The following PTPRD variants were observed in gnomAD, a reference collection of about 807,000 sequenced individuals.
The protein encoded by PTPRD is protein tyrosine phosphatase receptor type D.
In PTPRD, 34 loss-of-function variants were observed where a neutral mutation model predicts 214.5. The observed-to-expected ratio is 0.16, with a 90% CI of 0.12 to 0.21. The LOEUF (loss-of-function observed/expected upper bound fraction) is 0.21. PTPRD is among the 10% of genes least tolerant of loss of function. The pLI, the probability that PTPRD is intolerant of heterozygous loss-of-function variation, is 1.00. For synonymous variants in PTPRD, 1,128 were observed against 845.7 expected, an observed-to-expected ratio of 1.33 and a Z score of -5.79; for missense variants, 2,545 against 2,398.7, an observed-to-expected ratio of 1.06 and a Z score of -1.27.
chr9:9,722,990 T>C (rs1193418292), intron 7 of PTPRD, among the ~76,000 whole-genome samples: 5 of 152,114 alleles, frequency 3.3e-5, no homozygotes, highest in African/African-American at 1.2e-4. Flanking sequence ...CTTTGAATTA[T>C]GTTTTCACAT....
chr9:8,528,442 T>C (rs771978653), intron 15 of PTPRD, 149 bp downstream of exon 15: 9 of 737,394 alleles, frequency 1.2e-5, no homozygotes, highest in African/African-American at 1.1e-4. Context: ...ATCACAAACA[T>C]GGACCACCCA....
Position 10,046,849 on chromosome 9 carries a change from G to A in PTPRD, c.-544-13059C>T, listed in dbSNP as rs556029348. On this transcript the variant is annotated intron_variant, in intron 3 of 45. Transcript: ENST00000381196. The stretch of plus-strand genomic sequence containing the variant: ...CCTTGTTTAAAAATGGAAATACCAC[G>A]AAAACTGAGCTAGTCTCAAAACATC... 2.4e-4 allele frequency among the ~76,000 whole-genome samples: 37 copies of A among 152,008 alleles called. 1 individual carries two copies. The South Asian group carries it at 4.6e-3, about 19-fold the overall frequency.
At chr9:9,316,576 G>C (rs973436697) in intron 9 of PTPRD, among the ~76,000 whole-genome samples, 1 of 152,064 alleles carries the variant, frequency 6.6e-6, no homozygotes, top group Non-Finnish European at 1.5e-5. Flanking sequence ...ACCCTATCAT[G>C]AATCTTCCAA....
At chr9:9,345,272 TA>T (rs67787545) in intron 9 of PTPRD, among the ~76,000 whole-genome samples, 13,080 of 152,150 alleles carry the variant, frequency 0.086, 837 homozygotes, top group Non-Finnish European at 0.14. Context: ...TATATTTCAG[TA>T]AAAATGTATT....
At chr9:9,022,810 T>A (rs1480867949) in intron 10 of PTPRD, among the ~76,000 whole-genome samples, 5 of 152,188 alleles carry the variant, frequency 3.3e-5, no homozygotes, top group Non-Finnish European at 7.3e-5. Context: ...AAATCTATAT[T>A]GGAATATTCA....
chr9:8,487,490 G>C (rs1241445763), intron 27 of PTPRD, among the ~76,000 whole-genome samples: 1 of 152,154 alleles, frequency 6.6e-6, no homozygotes, highest in African/African-American at 2.4e-5. Context: ...AGCACTTTGG[G>C]AGCTGAGGTG....
At position 9,378,021 on chromosome 9, in the gene PTPRD, T is replaced by A. The variant is rs148280379; in HGVS notation, c.-203+19428A>T. 3.1e-4 allele frequency among the ~76,000 whole-genome samples: 47 copies of A among 152,152 alleles called. No individual in the cohort carries two copies. The East Asian group carries it at 8.3e-3, about 27-fold the overall frequency. ...CACATATGCACAACCTCTCCCATCA[T>A]CAGTATTTCTCACCAGACTGATATA... On this transcript the variant is annotated intron_variant, in intron 9 of 45. Transcript: ENST00000381196.
chr9:10,029,876 G>T (rs376683873), intron 4 of PTPRD, among the ~76,000 whole-genome samples: 1 of 152,154 alleles, frequency 6.6e-6, no homozygotes, highest in Non-Finnish European at 1.5e-5. Context: ...TGGTTTGGCT[G>T]TGTCCCCACT....
chr9:10,027,294 A>G (rs2096942444), intron 4 of PTPRD, among the ~76,000 whole-genome samples: 1 of 152,182 alleles, frequency 6.6e-6, no homozygotes, highest in Non-Finnish European at 1.5e-5. Context: ...ATGTTGTTAA[A>G]AATAGTTGTT....
At chr9:10,354,320 T>C (rs1028477480) in intron 2 of PTPRD, among the ~76,000 whole-genome samples, 1 of 152,182 alleles carries the variant, frequency 6.6e-6, no homozygotes, top group Non-Finnish European at 1.5e-5. Flanking sequence ...TCTCTATGTA[T>C]ATCAAATATT....
intron 11 of PTPRD, among the ~76,000 whole-genome samples, chr9:9,000,178 G>T (rs376004614): frequency 1.3e-5 from 2 of 152,092 alleles, no homozygotes; most frequent in East Asian, 3.9e-4. Flanking sequence ...CACCATTGGC[G>T]CTGCATGTGG....
intron 10 of PTPRD, among the ~76,000 whole-genome samples, chr9:9,133,841 G>A (rs1464314993): frequency 1.3e-5 from 2 of 152,062 alleles, no homozygotes; most frequent in African/African-American, 2.4e-5. Context: ...CCACTTCCTC[G>A]TAAGGGCATC....
intron 14 of PTPRD, among the ~76,000 whole-genome samples, chr9:8,620,234 T>C (rs565276809): frequency 1.1e-4 from 17 of 152,184 alleles, no homozygotes; most frequent in African/African-American, 3.6e-4. Flanking sequence ...AGAGGTTCTG[T>C]ATCATTTGCT....
chr9:9,516,713 T>C (rs2096847802), intron 8 of PTPRD, among the ~76,000 whole-genome samples: 2 of 151,938 alleles, frequency 1.3e-5, no homozygotes, highest in Non-Finnish European at 2.9e-5. Flanking sequence ...AATTTTTGTA[T>C]TTTTAGTAAA....
At chr9:9,434,575 G>C (rs192063245) in intron 8 of PTPRD, among the ~76,000 whole-genome samples, 8 of 152,128 alleles carry the variant, frequency 5.3e-5, no homozygotes, top group African/African-American at 1.9e-4. Flanking sequence ...AAGCAATCCT[G>C]AGCAAAAAGA....
At chr9:10,274,168 A>T (rs10809056) in intron 3 of PTPRD, among the ~76,000 whole-genome samples, 64,991 of 151,952 alleles carry the variant, frequency 0.43, 15,456 homozygotes, top group East Asian at 0.59. Flanking sequence ...GAAAACATGG[A>T]ACAAAATTAG....
At chr9:9,524,504 G>C (rs973480664) in intron 8 of PTPRD, among the ~76,000 whole-genome samples, 10 of 152,066 alleles carry the variant, frequency 6.6e-5, no homozygotes, top group African/African-American at 2.4e-4. Context: ...CTGTAGAAAA[G>C]TCCCATAGGG....
chr9:8,537,246 C>T (rs1231821443), intron 14 of PTPRD, among the ~76,000 whole-genome samples: 3 of 151,864 alleles, frequency 2.0e-5, no homozygotes, highest in South Asian at 2.1e-4. Context: ...GGGCCATTAT[C>T]GAAATGTTAC....
chr9:10,088,093 A>G (rs965087019), intron 3 of PTPRD, among the ~76,000 whole-genome samples: 6 of 151,784 alleles, frequency 4.0e-5, no homozygotes, highest in Non-Finnish European at 5.9e-5. Context: ...TACTTATTCA[A>G]CTAATATTTA....
Sources: gnomAD v4.1 joint callset for allele counts (sites outside exome capture counted in the v4.1 genomes callset) on GRCh38, gnomAD v4.1.1 for gene constraint, MANE v1.5 for transcripts, NCBI Gene and HGNC (gene_info 2026-07-23, HGNC 2026-07-21) for gene names.